ARHGAP27: variants seen among roughly 807,000 people sequenced by gnomAD.
ARHGAP27 encodes rho GTPase-activating protein 27.
A neutral mutation model predicts 102.0 loss-of-function variants in ARHGAP27; 53 were observed. The observed-to-expected ratio is 0.52, with a 90% confidence interval of 0.42 to 0.65. The LOEUF (loss-of-function observed/expected upper bound fraction) is 0.65. Ranked by LOEUF, ARHGAP27 falls within the 30% of genes least tolerant of loss-of-function variation. ARHGAP27 has a pLI of 0.00. For synonymous variants in ARHGAP27, 525 were observed against 542.8 expected (o/e 0.97, Z 0.46); for missense variants, 1,117 against 1,256.2 (o/e 0.89, Z 1.68).
chr17:45,416,171 G>A (rs1364053726), intron 4 of ARHGAP27, among the ~76,000 whole-genome samples: 1 of 151,828 alleles, frequency 6.6e-6, no homozygotes, highest in East Asian at 1.9e-4. Context: ...TCAGCTTCCC[G>A]AGTAGCTGGG....
chr17:45,429,973 T>G lies in ARHGAP27; in HGVS notation c.307A>C (p.Thr103Pro). 1 of 1,146,666 alleles carries G rather than the reference T, an allele frequency of 8.7e-7. No individual in the cohort carries two copies. Among genetic ancestry groups the G allele is most frequent in the Non-Finnish European group, 1.1e-6 (1 of 935,476 alleles). 71.0% of individuals were successfully genotyped at this position (1,146,666 alleles called of 1,614,324 possible). A position where few individuals can be genotyped will look rare whatever the true frequency, so the allele number is the denominator to read the frequency against. ...TCGGGGGCGCCGTCGGGGCCCGCGG[T>G]CGCCGCCGCGCTCACAAACCGGTAG... ...YDYRFVSAAA[T>P]AGPDGAPEES... The change falls in exon 4 of 20, where the codon ACC becomes CCC. Residue 103 changes from threonine to proline, a missense_variant. Thr to Pro is a conservative substitution (Grantham distance 38). Coordinates refer to ENST00000685559, the MANE Select transcript of ARHGAP27 (RefSeq NM_001282290.2).
At chr17:45,411,983 C>T (rs1037071700) in intron 4 of ARHGAP27, among the ~76,000 whole-genome samples, 3 of 152,142 alleles carry the variant, frequency 2.0e-5, no homozygotes, top group African/African-American at 7.2e-5. Context: ...AACTCAGGCC[C>T]TCAGCATTGC....
At chr17:45,407,371 T>TC (rs988789973) in intron 4 of ARHGAP27, among the ~76,000 whole-genome samples, 31 of 151,664 alleles carry the variant, frequency 2.0e-4, no homozygotes, top group African/African-American at 7.3e-4. Flanking sequence ...TTCCTGAGAT[T>TC]CCCCCCATCC....
intron 4 of ARHGAP27, among the ~76,000 whole-genome samples, chr17:45,429,163 C>T (rs939915072): frequency 4.3e-4 from 66 of 152,244 alleles, no homozygotes; most frequent in Non-Finnish European, 8.7e-4. Context: ...GTTCCGTGCC[C>T]AGATGCGCTT....
chr17:45,429,416 T>C, intron 4 of ARHGAP27: 13 of 1,388,444 alleles, frequency 9.4e-6, no homozygotes, highest in East Asian at 2.9e-5. Context: ...CAGGGAGCTT[T>C]GGAGCTTGGG....
intron 4 of ARHGAP27, chr17:45,429,352 T>C: frequency 8.3e-7 from 1 of 1,198,438 alleles, no homozygotes; most frequent in South Asian, 1.9e-5. Context: ...CAGCCTCACA[T>C]CAGTTCAAGC....
intron 4 of ARHGAP27, chr17:45,409,287 G>C (rs1440386331): frequency 6.6e-6 from 1 of 152,358 alleles, no homozygotes; most frequent in South Asian, 2.1e-4. Context: ...CAGGCTGTGG[G>C]CCATGGCTCT....
Position 45,397,970 on chromosome 17 carries a change from A to G in ARHGAP27, c.1821T>C (p.Ile607=), listed in dbSNP as rs765199268. The G allele has an allele frequency of 1.4e-5, 22 of 1,609,666 alleles. No homozygotes were observed. Among genetic ancestry groups the G allele is most frequent in the Non-Finnish European group, 1.8e-5 (21 of 1,176,734 alleles). The change falls in exon 13 of 20, where the codon ATT becomes ATC. Residue 607 remains isoleucine, a synonymous_variant. Coordinates refer to ENST00000685559, the MANE Select transcript of ARHGAP27 (RefSeq NM_001282290.2). Reference sequence around the variant, plus strand: ...TTACCAGCTCCTGGATGCCCTGAGCAATGGCCTTATGCCAGGTGCTGATGA... The same window carrying G: ...TTACCAGCTCCTGGATGCCCTGAGCGATGGCCTTATGCCAGGTGCTGATGA... ...EAIISTWHKA[I]AQGIQELSAE...
chr17:45,395,346 G>A lies in ARHGAP27; in HGVS notation c.*110C>T, dbSNP rs2045462986. On this transcript the variant is annotated 3_prime_UTR_variant, in exon 20 of 20. Coordinates refer to ENST00000685559, the MANE Select transcript of ARHGAP27 (RefSeq NM_001282290.2). ...GGGTGCAGAAGTCACACCGGCCTGCGGCTATGCGCTGGCGGAGGGTCCCAG... is the reference window on the plus strand; with the variant it reads ...GGGTGCAGAAGTCACACCGGCCTGCAGCTATGCGCTGGCGGAGGGTCCCAG... 2 of 1,350,588 alleles carry A rather than the reference G, an allele frequency of 1.5e-6. No individual in the cohort carries two copies. Among genetic ancestry groups the A allele is most frequent in the Non-Finnish European group, 2.0e-6 (2 of 1,010,162 alleles). The allele number at this position is 1,350,588 out of a possible 1,614,324, so 83.7% of individuals were successfully genotyped here.
Position 45,396,697 on chromosome 17 carries a change from TG to T in ARHGAP27, c.2044del (p.Gln682SerfsTer90). 1 of 1,613,846 alleles carries T rather than the reference TG, an allele frequency of 6.2e-7. No individual in the cohort carries two copies. ...RKFLQRRPTL[Q>X]SLREKGYIKD... ...GATGTAGCCCTTCTCCCGCAGCGAC[TG>T]CAGTGTGGGCCGCCTCTGGAGGAAC... On this transcript the variant is annotated frameshift_variant, in exon 15 of 20. Coordinates refer to ENST00000685559, the MANE Select transcript of ARHGAP27 (RefSeq NM_001282290.2). LOFTEE classifies it high-confidence loss of function.
intron 13 of ARHGAP27, 67 bp downstream of exon 13, chr17:45,397,882 G>A (rs777538881): frequency 2.1e-6 from 3 of 1,403,056 alleles, no homozygotes; most frequent in Middle Eastern, 2.3e-4. Context: ...CTGAGCCTGA[G>A]CAGAGGGCCC....
rs1327538745 is a variant in ARHGAP27, at chr17:45,414,603, G to A, written c.658-8520C>T. On this transcript the variant is annotated intron_variant, in intron 4 of 19. Transcript: ENST00000685559. ...TGGCAGTACAGGCCCACACCACCAC[G>A]CCCGGCTAATTTTTTTTTTTTTTTT... Among the ~76,000 whole-genome samples the A allele has an allele frequency of 2.2e-5, 3 of 138,220 alleles. No individual in the cohort carries two copies. The Admixed American group carries it at 2.3e-4, about 11-fold the overall frequency. 90.7% of individuals were successfully genotyped at this position (138,220 alleles called of 152,430 possible). A position where few individuals can be genotyped will look rare whatever the true frequency, so the allele number is the denominator to read the frequency against.
chr17:45,396,483 GT>G lies in ARHGAP27; in HGVS notation c.2173+3del. On this transcript the variant is annotated splice_donor_region_variant and intron_variant, in intron 16 of 19. Coordinates refer to ENST00000685559, the MANE Select transcript of ARHGAP27 (RefSeq NM_001282290.2). ...TGCCGCCCTCACCCCCGCAGCGCAC[GT>G]ACCGCGGGCCTCGACGGCGCGGATG... 1 of 1,532,870 alleles carries G rather than the reference GT, an allele frequency of 6.5e-7. No homozygotes were observed. The highest frequency in any genetic ancestry group is 1.2e-5 in the South Asian group (1 of 84,106). 95.0% of individuals were successfully genotyped at this position (1,532,870 alleles called of 1,614,324 possible).
chr17:45,406,804 G>C (rs1440368439), intron 4 of ARHGAP27, among the ~76,000 whole-genome samples: 1 of 152,178 alleles, frequency 6.6e-6, no homozygotes, highest in Non-Finnish European at 1.5e-5. Context: ...CCCACTCTCA[G>C]CCCAGAAAGC....
chr17:45,421,553 G>A (rs1442395286), intron 4 of ARHGAP27, among the ~76,000 whole-genome samples: 3 of 152,130 alleles, frequency 2.0e-5, no homozygotes, highest in South Asian at 2.1e-4. Flanking sequence ...AGAAAAGACC[G>A]GAGTCTACAG....
Position 45,430,912 on chromosome 17 carries a change from C to G in ARHGAP27, c.-18-615G>C, listed in dbSNP as rs1470260038. ...TGCCCCCCTTAGTCCGAGGGCCTTG[C>G]TGTAGAGGCCTCCGCTGCCAATGCA... On this transcript the variant is annotated intron_variant, in intron 3 of 19. Coordinates refer to ENST00000685559, the MANE Select transcript of ARHGAP27 (RefSeq NM_001282290.2). This position sits in a 1 kb window ranked among gnomAD's most constrained non-coding sequence, Gnocchi z 4.4. Among the ~76,000 whole-genome samples, 17 of 152,150 alleles carry G rather than the reference C, an allele frequency of 1.1e-4. No homozygotes were observed. Among genetic ancestry groups the G allele is most frequent in the Non-Finnish European group, 1.2e-4 (8 of 68,018 alleles).
intron 4 of ARHGAP27, among the ~76,000 whole-genome samples, chr17:45,410,747 C>A (rs7213550): frequency 2.4e-4 from 37 of 151,930 alleles, no homozygotes; most frequent in African/African-American, 8.9e-4. Flanking sequence ...TGGAGTGGCT[C>A]CTGGGGCGGA....
At chr17:45,409,978 C>G (rs1299015417) in intron 4 of ARHGAP27, 7 of 498,834 alleles carry the variant, frequency 1.4e-5, no homozygotes, top group Non-Finnish European at 2.4e-5. Context: ...TGCCCAGCCC[C>G]CTGGTACTGC....
intron 9 of ARHGAP27, 33 bp from the exon 10 acceptor site, chr17:45,404,129 T>C: frequency 6.2e-7 from 1 of 1,612,808 alleles, no homozygotes; most frequent in Non-Finnish European, 8.5e-7. Context: ...GGCGCAAGAG[T>C]GTGTAGTTAA....
Sources: allele counts gnomAD v4.1 joint callset (sites outside exome capture counted in the v4.1 genomes callset), GRCh38; gene constraint gnomAD v4.1.1; non-coding constraint Gnocchi (gnomAD v3.1); transcripts MANE v1.5; gene names NCBI Gene and HGNC (gene_info 2026-07-23, HGNC 2026-07-21).